Variants in COL8A1 observed in about 807,000 individuals in gnomAD.
The protein encoded by COL8A1 is collagen alpha-1(VIII) chain.
COL8A1 carries 21 observed loss-of-function variants against 42.7 expected under a neutral mutation model. That is an observed-to-expected ratio of 0.49 (90% CI 0.35 to 0.71). The LOEUF (loss-of-function observed/expected upper bound fraction) is 0.71. Among genes scored for constraint, COL8A1 ranks in the 30% least tolerant of loss-of-function variants. COL8A1 has a pLI of 0.01. For missense variants in COL8A1, 788 were observed against 962.4 expected (o/e 0.82, Z 2.40); for synonymous variants, 367 against 369.1 (o/e 0.99, Z 0.06).
chr3:99,723,467 A>ACAAAAG (rs1940214426), intron 1 of COL8A1, among the ~76,000 whole-genome samples: 1 of 152,086 alleles, frequency 6.6e-6, no homozygotes, highest in Non-Finnish European at 1.5e-5. Flanking sequence ...AAAAACAAAA[A>ACAAAAG]CAAAACTCAC....
intron 1 of COL8A1, among the ~76,000 whole-genome samples, chr3:99,700,802 G>C (rs1278350204): frequency 6.6e-6 from 1 of 152,094 alleles, no homozygotes; most frequent in Non-Finnish European, 1.5e-5. Context: ...GTTGTGTTGT[G>C]TGCATGCATG....
intron 1 of COL8A1, among the ~76,000 whole-genome samples, chr3:99,692,919 G>A (rs917909532): frequency 6.6e-6 from 1 of 152,254 alleles, no homozygotes; most frequent in Admixed American, 6.5e-5. Context: ...AACACTTTGG[G>A]AGGCCAAGGC....
intron 2 of COL8A1, among the ~76,000 whole-genome samples, chr3:99,763,366 G>A (rs1386770857): frequency 6.6e-6 from 1 of 152,094 alleles, no homozygotes; most frequent in Non-Finnish European, 1.5e-5. Context: ...TGGGTTCCTT[G>A]GGTTTACATT....
chr3:99,751,691 G>A (rs1278623783), intron 2 of COL8A1, among the ~76,000 whole-genome samples: 2 of 152,142 alleles, frequency 1.3e-5, no homozygotes, highest in African/African-American at 2.4e-5. Context: ...ATTATAACTC[G>A]AATTTTTAGT....
intron 2 of COL8A1, among the ~76,000 whole-genome samples, chr3:99,746,102 A>G (rs1224254583): frequency 6.6e-6 from 1 of 152,210 alleles, no homozygotes; most frequent in Non-Finnish European, 1.5e-5. Context: ...GGAAAAGCAC[A>G]GCATTTAGCC....
chr3:99,775,534 A>C (rs1941678146), intron 2 of COL8A1, among the ~76,000 whole-genome samples: 1 of 152,198 alleles, frequency 6.6e-6, no homozygotes, highest in Non-Finnish European at 1.5e-5. Flanking sequence ...TTCCTCTTGA[A>C]TACATTAACT....
intron 1 of COL8A1, among the ~76,000 whole-genome samples, chr3:99,664,805 ATATT>A (rs1310196922): frequency 6.6e-6 from 1 of 152,228 alleles, no homozygotes; most frequent in African/African-American, 2.4e-5. Flanking sequence ...TGGCTGTCAA[ATATT>A]TATGCATGGC....
chr3:99,732,984 A>T (rs1257414870), intron 1 of COL8A1, among the ~76,000 whole-genome samples: 1 of 152,088 alleles, frequency 6.6e-6, no homozygotes, highest in Non-Finnish European at 1.5e-5. Flanking sequence ...GCCAAATATT[A>T]AAGCTCCAGA....
intron 1 of COL8A1, among the ~76,000 whole-genome samples, chr3:99,698,816 G>A (rs199636139): frequency 2.6e-5 from 4 of 152,322 alleles, no homozygotes; most frequent in African/African-American, 9.6e-5. Flanking sequence ...AATGACGAAT[G>A]TCAGTGTTAA....
chr3:99,687,090 T>A (rs1200036023), intron 1 of COL8A1, among the ~76,000 whole-genome samples: 6 of 152,090 alleles, frequency 3.9e-5, no homozygotes, highest in Admixed American at 3.9e-4. Context: ...GCGATCCTCC[T>A]GCCTTAGTCT....
At chr3:99,688,596 A>C (rs956695339) in intron 1 of COL8A1, among the ~76,000 whole-genome samples, 1 of 152,132 alleles carries the variant, frequency 6.6e-6, no homozygotes, top group Non-Finnish European at 1.5e-5. Flanking sequence ...CATGGAAAAC[A>C]ATATATTCAT....
At chr3:99,728,974 C>T (rs1420488608) in intron 1 of COL8A1, among the ~76,000 whole-genome samples, 1 of 151,952 alleles carries the variant, frequency 6.6e-6, no homozygotes, top group African/African-American at 2.4e-5. Flanking sequence ...TCCTGCATCA[C>T]CATTATATTC....
At chr3:99,673,945 T>C (rs1371224124) in intron 1 of COL8A1, among the ~76,000 whole-genome samples, 1 of 152,060 alleles carries the variant, frequency 6.6e-6, no homozygotes, top group Non-Finnish European at 1.5e-5. Flanking sequence ...ATAACGCATT[T>C]AGAATAGTTC....
chr3:99,763,679 T>G (rs139679348), intron 2 of COL8A1, among the ~76,000 whole-genome samples: 1 of 152,138 alleles, frequency 6.6e-6, no homozygotes, highest in Non-Finnish European at 1.5e-5. Flanking sequence ...TGTTCAGAGC[T>G]GGGGTTTTAA....
chr3:99,750,272 G>C (rs1941118585), intron 2 of COL8A1, among the ~76,000 whole-genome samples: 1 of 151,812 alleles, frequency 6.6e-6, no homozygotes, highest in African/African-American at 2.4e-5. Context: ...GGCCAGGCTG[G>C]TCTTGAACTC....
intron 1 of COL8A1, among the ~76,000 whole-genome samples, chr3:99,656,909 C>T (rs1255055380): frequency 2.6e-5 from 4 of 152,200 alleles, no homozygotes; most frequent in African/African-American, 9.7e-5. Flanking sequence ...TTGGGCATGC[C>T]ATCCCCATTG....
At chr3:99,767,829 A>G (rs973150533) in intron 2 of COL8A1, among the ~76,000 whole-genome samples, 1 of 152,224 alleles carries the variant, frequency 6.6e-6, no homozygotes, top group Non-Finnish European at 1.5e-5. Context: ...AGAAGTAAAG[A>G]TAATACTAAT....
intron 1 of COL8A1, among the ~76,000 whole-genome samples, chr3:99,663,886 G>A (rs772403472): frequency 6.6e-6 from 1 of 152,116 alleles, no homozygotes; most frequent in South Asian, 2.1e-4. Context: ...TTAAATCTAT[G>A]AGTTCTATCA....
intron 1 of COL8A1, among the ~76,000 whole-genome samples, chr3:99,660,252 A>C (rs1938163998): frequency 6.6e-6 from 1 of 151,864 alleles, no homozygotes; most frequent in Admixed American, 6.6e-5. Context: ...TAGGGACCTC[A>C]TATGCCTTTA....
Sources: allele counts gnomAD v4.1 joint callset (sites outside exome capture counted in the v4.1 genomes callset), GRCh38; gene constraint gnomAD v4.1.1; transcripts MANE v1.5; gene names NCBI Gene and HGNC (gene_info 2026-07-23, HGNC 2026-07-21).